The following PPP3CC variants were observed in gnomAD, a reference collection of about 807,000 sequenced individuals.
PPP3CC encodes protein phosphatase 3 catalytic subunit gamma, also known as serine/threonine-protein phosphatase 2B catalytic subunit gamma isoform.
A neutral mutation model predicts 60.3 loss-of-function variants in PPP3CC; 35 were observed. The observed-to-expected ratio is 0.58, with a 90% CI of 0.44 to 0.77. The LOEUF (loss-of-function observed/expected upper bound fraction) is 0.77, where lower values mean the gene tolerates loss of function less well. Among genes scored for constraint, PPP3CC ranks in the 30% least tolerant of loss-of-function variants. The probability of loss-of-function intolerance (pLI) is 0.00; values close to 1 mark genes in which losing one functional copy is unlikely to be tolerated. For synonymous variants in PPP3CC, 206 were observed against 224.3 expected (o/e 0.92, Z 0.73); for missense variants, 570 against 628.9 (o/e 0.91, Z 1.00).
Position 22,441,406 on chromosome 8 carries a change from G to T in PPP3CC, c.-4G>T. 4 of 1,542,384 alleles carry T rather than the reference G, an allele frequency of 2.6e-6. No homozygotes were observed. The highest frequency in any genetic ancestry group is 3.5e-6 in the Non-Finnish European group (4 of 1,144,654). ...CCTGGAGCCTGGAGGAGGCCGAGGG[G>T]ACCATGTCCGGGAGGCGCTTCCACC... On this transcript the variant is annotated 5_prime_UTR_variant, in exon 1 of 14. Transcript: ENST00000240139.
chr8:22,515,689 A>T (rs893789907), intron 6 of PPP3CC, among the ~76,000 whole-genome samples: 1 of 152,074 alleles, frequency 6.6e-6, no homozygotes, highest in Non-Finnish European at 1.5e-5. Context: ...TATCTCATTG[A>T]AGTTTTGATT....
Position 22,499,021 on chromosome 8 carries a change from C to T in PPP3CC, c.484+909C>T, listed in dbSNP as rs531305104. Among the ~76,000 whole-genome samples the T allele has an allele frequency of 5.9e-4, 89 of 151,728 alleles. 1 individual carries two copies. The highest frequency in any genetic ancestry group is 1.7e-3 in the South Asian group (8 of 4,812). ...TGCCTGTAATCCCAGCTACTCAGGA[C>T]GCTGAGGCAGGAGAATGGCTTGAAC... On this transcript the variant is annotated intron_variant, in intron 4 of 13. Transcript: ENST00000240139.
At position 22,530,039 on chromosome 8, in the gene PPP3CC, G is replaced by C. The variant is rs116673454; in HGVS notation, c.1141+1462G>C. 1.9e-3 allele frequency among the ~76,000 whole-genome samples: 296 copies of C among 152,266 alleles called. 1 individual carries two copies. The highest frequency in any genetic ancestry group is 6.9e-3 in the African/African-American group (285 of 41,538). ...GTGAGGATAAACCATCTCCATCGTG[G>C]AGAAAACACAACTCCCTTTGGGAAT... On this transcript the variant is annotated intron_variant, in intron 10 of 13. Coordinates refer to ENST00000240139, the MANE Select transcript of PPP3CC (RefSeq NM_005605.5).
intron 13 of PPP3CC, 144 bp from the exon 14 acceptor site, chr8:22,540,471 C>A: frequency 1.3e-6 from 1 of 744,796 alleles, no homozygotes; most frequent in Non-Finnish European, 2.1e-6. Flanking sequence ...CAGACATTGC[C>A]CATGACTTTC....
At chr8:22,540,565 G>A in intron 13 of PPP3CC, 50 bp from the exon 14 acceptor site, 1 of 1,549,072 alleles carries the variant, frequency 6.5e-7, no homozygotes, top group South Asian at 1.2e-5. Flanking sequence ...TAAGCCTGTT[G>A]CTTTGCTGCC....
intron 3 of PPP3CC, among the ~76,000 whole-genome samples, chr8:22,476,792 T>A (rs1837900985): frequency 6.6e-6 from 1 of 151,716 alleles, no homozygotes. Flanking sequence ...ATTAGCCGGG[T>A]GTGTAGGCAG....
chr8:22,466,161 A>G (rs1837515720), intron 1 of PPP3CC, among the ~76,000 whole-genome samples: 1 of 126,446 alleles, frequency 7.9e-6, no homozygotes, highest in Non-Finnish European at 1.8e-5. Context: ...TGCAAAGGAC[A>G]TGAACTCATC....
chr8:22,519,137 G>A (rs1243315409), intron 6 of PPP3CC, among the ~76,000 whole-genome samples: 4 of 152,000 alleles, frequency 2.6e-5, no homozygotes, highest in Admixed American at 6.6e-5. Context: ...AATGACTTTT[G>A]TTCCCTCTTG....
chr8:22,480,086 C>T (rs1838015706), intron 3 of PPP3CC, among the ~76,000 whole-genome samples: 1 of 151,708 alleles, frequency 6.6e-6, no homozygotes, highest in African/African-American at 2.4e-5. Context: ...GAAGTCTTTT[C>T]CATGAATCTG....
chr8:22,526,616 T>TA (rs1352861764), intron 8 of PPP3CC, among the ~76,000 whole-genome samples: 29 of 152,220 alleles, frequency 1.9e-4, no homozygotes, highest in Non-Finnish European at 2.2e-4. Flanking sequence ...GGAGAACTGT[T>TA]ACACCCTGTT....
intron 3 of PPP3CC, among the ~76,000 whole-genome samples, chr8:22,485,337 G>A (rs1838193697): frequency 6.6e-6 from 1 of 152,078 alleles, no homozygotes; most frequent in Non-Finnish European, 1.5e-5. Flanking sequence ...AGATCCCAAG[G>A]CCTCAACCCA....
chr8:22,538,674 AAGG>A (rs904295537), intron 12 of PPP3CC, among the ~76,000 whole-genome samples: 19 of 152,320 alleles, frequency 1.2e-4, no homozygotes, highest in African/African-American at 4.6e-4. Flanking sequence ...CTGTCTGAGA[AAGG>A]AGATGCAAGG....
chr8:22,451,864 C>A (rs923685851), intron 1 of PPP3CC, among the ~76,000 whole-genome samples: 1 of 152,068 alleles, frequency 6.6e-6, no homozygotes, highest in African/African-American at 2.4e-5. Flanking sequence ...GTTCCATTCC[C>A]AACACATCTC....
At position 22,527,375 on chromosome 8, in the gene PPP3CC, G is replaced by A; in HGVS notation, c.944-17G>A. The A allele has an allele frequency of 6.2e-7, 1 of 1,612,834 alleles. No individual in the cohort carries two copies. The highest frequency in any genetic ancestry group is 8.5e-7 in the Non-Finnish European group (1 of 1,179,122). ...ATGTTCCTCTGTGCCAGATTTTCTTGCTTTTTTCCTTTTTAGCTGCTGTGT... is the reference window on the plus strand; with the variant it reads ...ATGTTCCTCTGTGCCAGATTTTCTTACTTTTTTCCTTTTTAGCTGCTGTGT... On this transcript the variant is annotated splice_polypyrimidine_tract_variant and intron_variant, in intron 8 of 13. Coordinates refer to ENST00000240139, the MANE Select transcript of PPP3CC (RefSeq NM_005605.5).
At chr8:22,532,164 T>C in intron 10 of PPP3CC, 61 bp from the exon 11 acceptor site, 1 of 1,268,118 alleles carries the variant, frequency 7.9e-7, no homozygotes, top group Non-Finnish European at 1.1e-6. Flanking sequence ...TCATCCTGAA[T>C]TTTTTAAAGG....
At chr8:22,448,609 C>A (rs891684079) in intron 1 of PPP3CC, among the ~76,000 whole-genome samples, 2 of 151,968 alleles carry the variant, frequency 1.3e-5, no homozygotes, top group African/African-American at 4.8e-5. Flanking sequence ...GAGCTCCCGA[C>A]CTCAGGTGAT....
At chr8:22,469,982 G>A (rs1014996124) in intron 1 of PPP3CC, among the ~76,000 whole-genome samples, 11 of 148,786 alleles carry the variant, frequency 7.4e-5, no homozygotes, top group Non-Finnish European at 1.2e-4. Flanking sequence ...ATATATATAT[G>A]TGATATATAA....
intron 1 of PPP3CC, among the ~76,000 whole-genome samples, chr8:22,468,081 T>G (rs1307235618): frequency 6.6e-6 from 1 of 152,190 alleles, no homozygotes; most frequent in Non-Finnish European, 1.5e-5. Context: ...TTAAGAAATG[T>G]TGAATCAGAA....
chr8:22,501,993 C>G (rs1838775734), intron 4 of PPP3CC, among the ~76,000 whole-genome samples: 1 of 152,166 alleles, frequency 6.6e-6, no homozygotes, highest in African/African-American at 2.4e-5. Context: ...TGCCACTGCA[C>G]TCTAGCCTGG....
Sources: gnomAD v4.1 joint callset for allele counts (sites outside exome capture counted in the v4.1 genomes callset) on GRCh38, gnomAD v4.1.1 for gene constraint, MANE v1.5 for transcripts, NCBI Gene and HGNC (gene_info 2026-07-23, HGNC 2026-07-21) for gene names.